The following PIGK variants were observed in gnomAD, a reference collection of about 807,000 sequenced individuals.
The protein encoded by PIGK is phosphatidylinositol glycan anchor biosynthesis class K.
PIGK carries 42 observed loss-of-function variants against 50.6 expected under a neutral mutation model. That is an observed-to-expected ratio of 0.83 (90% CI 0.65 to 1.07). The LOEUF is 1.07. Among genes scored for constraint, PIGK ranks in the 50% least tolerant of loss-of-function variants. The probability of loss-of-function intolerance (pLI) is 0.00; values close to 1 mark genes in which losing one functional copy is unlikely to be tolerated. For synonymous variants in PIGK, 151 were observed against 156.0 expected (o/e 0.97, Z 0.24); for missense variants, 448 against 488.7 (o/e 0.92, Z 0.78).
chr1:77,116,697 CAGAG>C (rs1191366383), intron 10 of PIGK, among the ~76,000 whole-genome samples: 2 of 151,766 alleles, frequency 1.3e-5, no homozygotes, highest in African/African-American at 4.8e-5. Context: ...GGACCAAGAA[CAGAG>C]AGACTCCTGG....
chr1:77,215,380 T>C (rs1223715449), intron 1 of PIGK, among the ~76,000 whole-genome samples: 1 of 152,150 alleles, frequency 6.6e-6, no homozygotes, highest in African/African-American at 2.4e-5. Context: ...AGATATCATC[T>C]TAGTGCCTAT....
rs545949354 is a variant in PIGK at position 77,191,205 on chromosome 1, G to C, written c.239+15435C>G. 2.6e-5 allele frequency among the ~76,000 whole-genome samples: 4 copies of C among 152,314 alleles called. No individual in the cohort carries two copies. The South Asian group carries it at 8.3e-4, about 32-fold the overall frequency. On this transcript the variant is annotated intron_variant, in intron 3 of 10. Coordinates refer to ENST00000370812, the MANE Select transcript of PIGK (RefSeq NM_005482.3). ...AATAGTCAAAATCAAGAGTGTTGTA[G>C]TCATGAATGTCACTGATCTAGCGTA...
rs759185357 is a variant in PIGK, at chr1:77,206,820, T to C, written c.148-89A>G. On this transcript the variant is annotated intron_variant, in intron 2 of 10. Transcript: ENST00000370812. ...TTTTTCTTTAAGTAGGATACAGAGA[T>C]CTCTAAGAAACAGTATGCCATAATT... 6.4e-4 allele frequency: 488 copies of C among 767,908 alleles called. 3 individuals carry two copies. The highest frequency in any genetic ancestry group is 4.1e-3 in the Middle Eastern group (13 of 3,198). The allele number at this position is 767,908 out of a possible 1,614,324, so 47.6% of individuals were successfully genotyped here.
intron 3 of PIGK, among the ~76,000 whole-genome samples, chr1:77,170,904 TTTTC>T (rs1655344036): frequency 6.6e-6 from 1 of 152,218 alleles, no homozygotes; most frequent in Admixed American, 6.5e-5. Context: ...GAAACATTAT[TTTTC>T]TTGAAAATTG....
intron 9 of PIGK, among the ~76,000 whole-genome samples, chr1:77,131,081 T>G (rs1161299796): frequency 6.6e-6 from 1 of 152,062 alleles, no homozygotes; most frequent in Non-Finnish European, 1.5e-5. Flanking sequence ...TTTATAGGTG[T>G]TCCTTTATGA....
At chr1:77,105,048 G>A (rs577188997) in intron 10 of PIGK, among the ~76,000 whole-genome samples, 35 of 152,240 alleles carry the variant, frequency 2.3e-4, no homozygotes, top group African/African-American at 8.4e-4. Flanking sequence ...CTCTTGTCTG[G>A]TGTCCAAGAA....
intron 10 of PIGK, among the ~76,000 whole-genome samples, chr1:77,106,312 A>T (rs1653672084): frequency 1.3e-5 from 2 of 152,192 alleles, no homozygotes; most frequent in South Asian, 4.1e-4. Context: ...TCCTTCTGAG[A>T]TACATAGGCT....
At chr1:77,131,657 T>C (rs946678726) in intron 9 of PIGK, among the ~76,000 whole-genome samples, 11 of 152,150 alleles carry the variant, frequency 7.2e-5, no homozygotes, top group African/African-American at 2.7e-4. Flanking sequence ...TCTACTGAAA[T>C]AATTACAAAA....
intron 10 of PIGK, among the ~76,000 whole-genome samples, chr1:77,118,002 TA>T (rs943065019): frequency 5.5e-4 from 83 of 151,138 alleles, no homozygotes; most frequent in African/African-American, 1.4e-3. Context: ...TGCTTGAAGT[TA>T]AAAAAAAATG....
intron 3 of PIGK, among the ~76,000 whole-genome samples, chr1:77,204,299 A>G (rs1656240286): frequency 6.6e-6 from 1 of 152,160 alleles, no homozygotes. Flanking sequence ...CAGGCCTATT[A>G]GGATTAGGAA....
intron 1 of PIGK, among the ~76,000 whole-genome samples, chr1:77,212,951 G>C (rs1656453762): frequency 6.6e-6 from 1 of 152,158 alleles, no homozygotes. Flanking sequence ...TTGAGATGGA[G>C]TCTCATTCTG....
At chr1:77,187,419 T>C (rs1655775586) in intron 3 of PIGK, among the ~76,000 whole-genome samples, 1 of 152,224 alleles carries the variant, frequency 6.6e-6, no homozygotes, top group African/African-American at 2.4e-5. Flanking sequence ...TCTTCTGGCC[T>C]AGAGGTCTTA....
intron 3 of PIGK, among the ~76,000 whole-genome samples, chr1:77,192,595 G>A (rs1296699690): frequency 6.6e-6 from 1 of 152,084 alleles, no homozygotes; most frequent in Non-Finnish European, 1.5e-5. Context: ...TGAATAATAT[G>A]GTAGAGATGA....
intron 10 of PIGK, among the ~76,000 whole-genome samples, chr1:77,096,504 C>G (rs1653407598): frequency 6.6e-6 from 1 of 152,096 alleles, no homozygotes; most frequent in African/African-American, 2.4e-5. Flanking sequence ...TCTCTCAGAC[C>G]TCTTCCACCA....
chr1:77,151,617 A>T (rs1020594556), intron 9 of PIGK, among the ~76,000 whole-genome samples: 1 of 152,278 alleles, frequency 6.6e-6, no homozygotes, highest in Admixed American at 6.5e-5. Context: ...CCACCAAAAC[A>T]TTCTTAGAAC....
intron 9 of PIGK, among the ~76,000 whole-genome samples, chr1:77,145,702 C>T (rs560167938): frequency 6.6e-6 from 1 of 151,322 alleles, no homozygotes; most frequent in Non-Finnish European, 1.5e-5. Context: ...CAAGCTGATT[C>T]ATAAACTTAT....
chr1:77,168,317 A>C (rs113345479), intron 4 of PIGK, among the ~76,000 whole-genome samples: 7 of 152,362 alleles, frequency 4.6e-5, no homozygotes, highest in African/African-American at 9.6e-5. Context: ...TTCCTAGAAC[A>C]TGAGTGTATA....
At chr1:77,195,147 C>T in intron 3 of PIGK, 1 of 1,229,668 alleles carries the variant, frequency 8.1e-7, no homozygotes, top group Admixed American at 1.7e-5. Context: ...TCATGAATAT[C>T]ATTGCCAATG....
chr1:77,140,355 C>T (rs890128866), intron 9 of PIGK, among the ~76,000 whole-genome samples: 6 of 151,862 alleles, frequency 4.0e-5, no homozygotes, highest in Non-Finnish European at 7.4e-5. Flanking sequence ...GCCCCGCTCA[C>T]TTACACTTGC....
Sources: allele counts gnomAD v4.1 joint callset (sites outside exome capture counted in the v4.1 genomes callset), GRCh38; gene constraint gnomAD v4.1.1; transcripts MANE v1.5; gene names NCBI Gene and HGNC (gene_info 2026-07-23, HGNC 2026-07-21).